Variants in APBB2 observed in about 807,000 individuals in gnomAD.
APBB2 encodes the protein Fe65-like 1.
Under a neutral mutation model 82.5 loss-of-function variants are expected in APBB2, and 38 were observed. The observed-to-expected ratio is 0.46, with a 90% CI of 0.36 to 0.60. The LOEUF is 0.60. Among genes scored for constraint, APBB2 ranks in the 20% least tolerant of loss-of-function variants. APBB2 has a pLI of 0.00. For synonymous variants in APBB2, 341 were observed against 368.2 expected (o/e 0.93, Z 0.85); for missense variants, 772 against 972.3 (o/e 0.79, Z 2.74).
At chr4:40,825,149 T>G (rs1207027707) in intron 15 of APBB2, among the ~76,000 whole-genome samples, 2 of 152,260 alleles carry the variant, frequency 1.3e-5, no homozygotes, top group Non-Finnish European at 1.5e-5. Flanking sequence ...TTTCGCTTTT[T>G]GACTCTCATC....
At chr4:41,174,756 T>C (rs1769305271) in intron 1 of APBB2, among the ~76,000 whole-genome samples, 1 of 152,100 alleles carries the variant, frequency 6.6e-6, no homozygotes, top group Non-Finnish European at 1.5e-5. Context: ...TGACCACATA[T>C]GATAGTTTAA....
chr4:40,853,105 A>T (rs1760002630), intron 12 of APBB2, among the ~76,000 whole-genome samples: 1 of 152,168 alleles, frequency 6.6e-6, no homozygotes, highest in African/African-American at 2.4e-5. Context: ...CCCTTCCTGC[A>T]TCTTCTACAG....
chr4:41,074,608 A>ATTTTTT (rs370714146), intron 3 of APBB2, among the ~76,000 whole-genome samples: 3 of 136,664 alleles, frequency 2.2e-5, no homozygotes, highest in Non-Finnish European at 3.1e-5. Context: ...TATTATTATT[A>ATTTTTT]TTTTTTTTTT....
At chr4:41,170,313 A>G (rs887118620) in intron 1 of APBB2, among the ~76,000 whole-genome samples, 1 of 152,320 alleles carries the variant, frequency 6.6e-6, no homozygotes, top group African/African-American at 2.4e-5. Context: ...TGTAATCTCA[A>G]TTCCCACATT....
At chr4:41,177,857 G>A (rs548723600) in intron 1 of APBB2, among the ~76,000 whole-genome samples, 10 of 151,996 alleles carry the variant, frequency 6.6e-5, no homozygotes, top group Non-Finnish European at 1.2e-4. Context: ...TATACTTACC[G>A]GTTGAGCATC....
At chr4:40,936,340 C>T (rs762775548) in intron 7 of APBB2, among the ~76,000 whole-genome samples, 1 of 152,206 alleles carries the variant, frequency 6.6e-6, no homozygotes, top group Admixed American at 6.5e-5. Context: ...TAGCCTTGAC[C>T]TCCTGGCTCA....
At chr4:41,130,729 G>C (rs527960145) in intron 2 of APBB2, among the ~76,000 whole-genome samples, 27 of 151,998 alleles carry the variant, frequency 1.8e-4, no homozygotes, top group African/African-American at 6.0e-4. Flanking sequence ...CAGTCTCCTC[G>C]AGTGCCTACC....
chr4:41,162,994 G>T (rs918694814), intron 1 of APBB2, among the ~76,000 whole-genome samples: 31 of 152,338 alleles, frequency 2.0e-4, no homozygotes, highest in Middle Eastern at 3.4e-3. Context: ...ATCCAAGAAA[G>T]GTGATAAGCT....
Position 41,083,668 on chromosome 4 carries a change from C to G in APBB2, c.-149+16971G>C, listed in dbSNP as rs554033163. Among the ~76,000 whole-genome samples the G allele has an allele frequency of 2.9e-3, 316 of 107,746 alleles. 4 individuals are homozygous for G. The highest frequency in any genetic ancestry group is 4.0e-3 in the Admixed American group (26 of 6,446). The allele number at this position is 107,746 out of a possible 152,430, so 70.7% of individuals were successfully genotyped here. The stretch of plus-strand genomic sequence containing the variant: ...ACGCCACTGCACTCCAGCCTGGAGA[C>G]AGATTGAGACTCTGTCTCAAAAAAA... On this transcript the variant is annotated intron_variant, in intron 3 of 17. Transcript: ENST00000508593.
chr4:41,044,585 C>T (rs1028751359), intron 4 of APBB2, among the ~76,000 whole-genome samples: 4 of 152,132 alleles, frequency 2.6e-5, no homozygotes. Flanking sequence ...AGTTTGTGTT[C>T]TTTATGTCTG....
chr4:41,079,469 G>A (rs1042600897), intron 3 of APBB2, among the ~76,000 whole-genome samples: 1 of 152,108 alleles, frequency 6.6e-6, no homozygotes, highest in Non-Finnish European at 1.5e-5. Flanking sequence ...AGAGAAACAT[G>A]GGGGAAGGTT....
At chr4:40,881,534 C>CTTTTTTTTTTT (rs71198611) in intron 12 of APBB2, 16 of 145,874 alleles carry the variant, frequency 1.1e-4, no homozygotes, top group African/African-American at 1.8e-4. Context: ...TTTTCTTTTT[C>CTTTTTTTTTTT]TTTTTTTTTT....
chr4:40,832,733 G>A lies in APBB2; in HGVS notation c.1530-2156C>T, dbSNP rs1679078823. On this transcript the variant is annotated intron_variant, in intron 12 of 17. Transcript: ENST00000508593. The surrounding 1 kb of genome is among the most constrained non-coding windows in gnomAD (Gnocchi z 4.8). ...CTCGCACACACAGTACATACACGGG[G>A]GCACAGCAAGTGTCTGAGTGTGTCT... 6.6e-6 allele frequency among the ~76,000 whole-genome samples: 1 copy of A among 152,182 alleles called. No homozygotes were observed. The highest frequency in any genetic ancestry group is 2.4e-5 in the African/African-American group (1 of 41,436).
chr4:41,005,927 T>C (rs1264874228), intron 6 of APBB2, among the ~76,000 whole-genome samples: 1 of 152,312 alleles, frequency 6.6e-6, no homozygotes, highest in East Asian at 1.9e-4. Flanking sequence ...GTTTCTTCCT[T>C]TTCTTAGCAC....
chr4:41,112,961 T>C (rs1184510303), intron 2 of APBB2, among the ~76,000 whole-genome samples: 6 of 151,396 alleles, frequency 4.0e-5, no homozygotes, highest in Non-Finnish European at 8.8e-5. Context: ...CACTCCAACC[T>C]GGGCGACAGA....
intron 12 of APBB2, among the ~76,000 whole-genome samples, chr4:40,873,940 T>C (rs1766201744): frequency 6.6e-6 from 1 of 152,212 alleles, no homozygotes; most frequent in Non-Finnish European, 1.5e-5. Context: ...GGCATTACAA[T>C]TGAACTCTGT....
At position 40,945,052 on chromosome 4, in the gene APBB2, G is replaced by A. The variant is rs958970965; in HGVS notation, c.857C>T (p.Ser286Leu). Reference sequence around the variant, plus strand: ...CGGCAAATCTGGATCAGTCTGAAATGAGTGATCACTCCATATATCTGCTGA... The same window carrying A: ...CGGCAAATCTGGATCAGTCTGAAATAAGTGATCACTCCATATATCTGCTGA... ...DETADIWSDH[S>L]FQTDPDLPPG... Residue 286 changes from serine to leucine, a missense_variant, in exon 7 of 18, where the codon TCA becomes TTA. By Grantham distance (145) the Ser-to-Leu change is moderately radical. Coordinates refer to ENST00000508593, the MANE Select transcript of APBB2 (RefSeq NM_004307.2). 7.2e-7 allele frequency: 1 copy of A among 1,398,234 alleles called. No homozygotes were observed. The highest frequency in any genetic ancestry group is 9.6e-7 in the Non-Finnish European group (1 of 1,041,264). 86.6% of individuals were successfully genotyped at this position (1,398,234 alleles called of 1,614,324 possible).
intron 4 of APBB2, among the ~76,000 whole-genome samples, chr4:41,060,244 T>C (rs552798312): frequency 6.6e-6 from 1 of 152,244 alleles, no homozygotes; most frequent in East Asian, 1.9e-4. Context: ...ATAGCGGTTG[T>C]TCAGGAAAAA....
At chr4:41,120,697 T>C (rs1386259066) in intron 2 of APBB2, among the ~76,000 whole-genome samples, 1 of 152,000 alleles carries the variant, frequency 6.6e-6, no homozygotes, top group Admixed American at 6.6e-5. Flanking sequence ...GGGAGAAAAA[T>C]GAGTTTCACC....
Sources: gnomAD v4.1 joint callset for allele counts (sites outside exome capture counted in the v4.1 genomes callset) on GRCh38, gnomAD v4.1.1 for gene constraint, Gnocchi (gnomAD v3.1) non-coding constraint, MANE v1.5 for transcripts, NCBI Gene and HGNC (gene_info 2026-07-23, HGNC 2026-07-21) for gene names.